The following TANC1 variants were observed in gnomAD, a reference collection of about 807,000 sequenced individuals.
TANC1 encodes the protein protein TANC1.
Under a neutral mutation model 149.7 loss-of-function variants are expected in TANC1, and 77 were observed. That is an observed-to-expected ratio of 0.51 (90% CI 0.43 to 0.62). TANC1 has a LOEUF of 0.62. TANC1 is among the 20% of genes least tolerant of loss of function. The pLI, the probability that TANC1 is intolerant of heterozygous loss-of-function variation, is 0.00. For synonymous variants in TANC1, 854 were observed against 925.0 expected (o/e 0.92, Z 1.39); for missense variants, 1,985 against 2,321.8 (o/e 0.85, Z 2.98).
At chr2:158,987,485 G>A (rs994214368) in intron 1 of TANC1, among the ~76,000 whole-genome samples, 19 of 152,050 alleles carry the variant, frequency 1.2e-4, no homozygotes, top group African/African-American at 3.9e-4. Flanking sequence ...CTATGATCAC[G>A]CCACTGCACT....
intron 5 of TANC1, among the ~76,000 whole-genome samples, chr2:159,141,790 C>G (rs2051400029): frequency 6.6e-6 from 1 of 152,152 alleles, no homozygotes; most frequent in South Asian, 2.1e-4. Flanking sequence ...TGAGCTGGGA[C>G]TAAGGTGCAA....
rs369723622 is a variant in TANC1 at position 159,171,903 on chromosome 2, G to A, written c.1352-218G>A. ...AAAAGAAAAAAAAAATTTAATAGAG[G>A]AAACTGGAAACAGTACACTGATGGC... On this transcript the variant is annotated intron_variant, in intron 10 of 26. Coordinates refer to ENST00000263635, the MANE Select transcript of TANC1 (RefSeq NM_033394.3). 3.1e-3 allele frequency among the ~76,000 whole-genome samples: 456 copies of A among 148,154 alleles called. 4 individuals carry two copies. The highest frequency in any genetic ancestry group is 0.029 in the Middle Eastern group (8 of 274).
intron 1 of TANC1, among the ~76,000 whole-genome samples, chr2:158,970,955 A>G (rs2032787899): frequency 6.6e-6 from 1 of 152,230 alleles, no homozygotes; most frequent in South Asian, 2.1e-4. Flanking sequence ...GAATGCCCAA[A>G]TTATTATAAT....
Position 159,007,476 on chromosome 2 carries a change from T to C in TANC1, c.-16+6287T>C, listed in dbSNP as rs777173059. ...CTGTGTTTTTACTGTCCCCTTTCTA[T>C]GTTTAGATGTATAAGTACTTACTAT... On this transcript the variant is annotated intron_variant, in intron 2 of 26. Coordinates refer to ENST00000263635, the MANE Select transcript of TANC1 (RefSeq NM_033394.3). Among the ~76,000 whole-genome samples the C allele has an allele frequency of 7.2e-5, 11 of 152,296 alleles. No homozygotes were observed. The East Asian group carries it at 1.7e-3, about 24-fold the overall frequency.
At chr2:159,139,742 CTT>C (rs66530362) in intron 5 of TANC1, among the ~76,000 whole-genome samples, 35,308 of 152,008 alleles carry the variant, frequency 0.23, 5,282 homozygotes, top group Non-Finnish European at 0.35. Flanking sequence ...AGTGACGAAA[CTT>C]TTTTCCTGGC....
At chr2:159,170,933 ATG>A in intron 10 of TANC1, 128 bp downstream of exon 10, 1 of 1,026,600 alleles carries the variant, frequency 9.7e-7, no homozygotes, top group Non-Finnish European at 1.4e-6. Flanking sequence ...GTTTGCCATC[ATG>A]TGTGAAGTGA....
At chr2:159,181,544 G>A (rs568486574) in intron 14 of TANC1, among the ~76,000 whole-genome samples, 155 of 152,290 alleles carry the variant, frequency 1.0e-3, no homozygotes, top group African/African-American at 3.6e-3. Flanking sequence ...TGATCCGCCC[G>A]CCTCGGCCTC....
At chr2:158,977,464 C>A (rs1003844654) in intron 1 of TANC1, among the ~76,000 whole-genome samples, 1 of 151,854 alleles carries the variant, frequency 6.6e-6, no homozygotes, top group African/African-American at 2.4e-5. Context: ...GTGTGCACCA[C>A]CACACCTGGC....
At chr2:159,090,508 CG>C (rs1331925389) in intron 3 of TANC1, among the ~76,000 whole-genome samples, 1 of 152,170 alleles carries the variant, frequency 6.6e-6, no homozygotes, top group Admixed American at 6.5e-5. Flanking sequence ...CGGCAGGGAT[CG>C]GGGGTCCCTC....
intron 3 of TANC1, among the ~76,000 whole-genome samples, chr2:159,081,988 C>G (rs980620407): frequency 4.6e-5 from 7 of 152,248 alleles, no homozygotes; most frequent in Admixed American, 4.6e-4. Flanking sequence ...GGAGGCAACA[C>G]CCTATATGCT....
In TANC1 at chr2:159,219,774, G is replaced by A; in HGVS notation, c.3585G>A (p.Gln1195=). ...ACLKGHRAVV[Q]YLVEEGAAID... ...TGAAAGGTCACAGGGCAGTGGTCCA[G>A]TATCTGGTTGAAGAAGGAGCTGCAA... Residue 1195 remains glutamine, a synonymous_variant, in exon 22 of 27, where the codon CAG becomes CAA. Transcript: ENST00000263635. The A allele has an allele frequency of 6.2e-7, 1 of 1,614,232 alleles. No homozygotes were observed. The highest frequency in any genetic ancestry group is 2.2e-5 in the East Asian group (1 of 44,880).
At chr2:159,157,698 C>A (rs1014463295) in intron 7 of TANC1, among the ~76,000 whole-genome samples, 1 of 152,158 alleles carries the variant, frequency 6.6e-6, no homozygotes, top group South Asian at 2.1e-4. Context: ...CTTTTATGAG[C>A]GGCCATTATG....
intron 19 of TANC1, among the ~76,000 whole-genome samples, chr2:159,203,224 T>TC (rs1553610232): frequency 6.7e-6 from 1 of 148,890 alleles, no homozygotes; most frequent in Non-Finnish European, 1.5e-5. Flanking sequence ...TTTTTTTTTT[T>TC]TGAGATGGAG....
chr2:159,188,959 C>T (rs141121169), intron 16 of TANC1, among the ~76,000 whole-genome samples: 3,436 of 152,296 alleles, frequency 0.023, 50 homozygotes, highest in Middle Eastern at 0.041. Flanking sequence ...AGCACAGTGC[C>T]GTCTCAGCCA....
At chr2:159,163,040 T>C (rs1160313714) in intron 7 of TANC1, among the ~76,000 whole-genome samples, 1 of 152,230 alleles carries the variant, frequency 6.6e-6, no homozygotes, top group Non-Finnish European at 1.5e-5. Context: ...TTTTTTTCAT[T>C]ATCTTCCTAT....
chr2:159,136,425 C>A, intron 5 of TANC1, 127 bp downstream of exon 5: 1 of 632,624 alleles, frequency 1.6e-6, no homozygotes, highest in Non-Finnish European at 2.8e-6. Context: ...AGGTATTTTC[C>A]CCTCCAGCAG....
At chr2:159,216,216 T>C (rs910682178) in intron 19 of TANC1, among the ~76,000 whole-genome samples, 1 of 152,146 alleles carries the variant, frequency 6.6e-6, no homozygotes, top group African/African-American at 2.4e-5. Context: ...GACCACACCT[T>C]TTGAAGGCCT....
chr2:159,011,634 C>T, intron 2 of TANC1, among the ~76,000 whole-genome samples: 1 of 150,136 alleles, frequency 6.7e-6, no homozygotes, highest in East Asian at 2.0e-4. Context: ...GTCCTGGCCT[C>T]AAGCCATCTT....
chr2:159,009,337 A>G (rs572015679), intron 2 of TANC1, among the ~76,000 whole-genome samples: 1 of 152,306 alleles, frequency 6.6e-6, no homozygotes, highest in South Asian at 2.1e-4. Context: ...CCCTGTTCGC[A>G]GTAGTCAAGA....
Sources: gnomAD v4.1 joint callset for allele counts (sites outside exome capture counted in the v4.1 genomes callset) on GRCh38, gnomAD v4.1.1 for gene constraint, MANE v1.5 for transcripts, NCBI Gene and HGNC (gene_info 2026-07-23, HGNC 2026-07-21) for gene names.